ARHGEF4: variants seen among roughly 807,000 people sequenced by gnomAD.
The protein encoded by ARHGEF4 is Rho guanine nucleotide exchange factor 4.
A neutral mutation model predicts 162.0 loss-of-function variants in ARHGEF4; 119 were observed. The ratio of observed to expected loss-of-function variants is 0.73; its 90% CI spans 0.63 to 0.86. The LOEUF is 0.86. Among genes scored for constraint, ARHGEF4 ranks in the 40% least tolerant of loss-of-function variants. The pLI is 0.00. For synonymous variants in ARHGEF4, 1,014 were observed against 979.9 expected, an observed-to-expected ratio of 1.03 and a Z score of -0.65; for missense variants, 2,488 against 2,456.0, an observed-to-expected ratio of 1.01 and a Z score of -0.28.
intron 1 of ARHGEF4, among the ~76,000 whole-genome samples, chr2:130,854,802 C>T (rs1317423131): frequency 6.6e-6 from 1 of 152,136 alleles, no homozygotes; most frequent in East Asian, 1.9e-4. Flanking sequence ...GGCTTCTGCC[C>T]AGGGGGAAAG....
At chr2:130,997,368 T>C (rs543514390) in intron 4 of ARHGEF4, among the ~76,000 whole-genome samples, 1 of 152,366 alleles carries the variant, frequency 6.6e-6, no homozygotes, top group Non-Finnish European at 1.5e-5. Context: ...GCTTTTGTTA[T>C]GTATTTTTTT....
chr2:130,980,082 T>C (rs1356504271), intron 4 of ARHGEF4, among the ~76,000 whole-genome samples: 3 of 152,190 alleles, frequency 2.0e-5, no homozygotes, highest in Non-Finnish European at 2.9e-5. Context: ...GTAACATAAC[T>C]GTAAACAAAA....
intron 4 of ARHGEF4, among the ~76,000 whole-genome samples, chr2:130,963,386 C>T (rs1270519336): frequency 6.6e-6 from 1 of 151,918 alleles, no homozygotes; most frequent in East Asian, 2.0e-4. Flanking sequence ...CTGCCCTGGG[C>T]CGAGCGGGGC....
chr2:130,971,486 CG>C (rs2105221266), intron 4 of ARHGEF4, among the ~76,000 whole-genome samples: 1 of 151,940 alleles, frequency 6.6e-6, no homozygotes, highest in African/African-American at 2.4e-5. Context: ...GGTGAAACCC[CG>C]TCTCTACTAA....
At chr2:131,030,159 C>T (rs576499963) in intron 5 of ARHGEF4, among the ~76,000 whole-genome samples, 1 of 152,300 alleles carries the variant, frequency 6.6e-6, no homozygotes, top group African/African-American at 2.4e-5. Flanking sequence ...CTGCGTTGAT[C>T]TTGTGTCTGC....
At chr2:131,035,069 C>A in intron 5 of ARHGEF4, 1 of 1,012,724 alleles carries the variant, frequency 9.9e-7, no homozygotes, top group Non-Finnish European at 1.2e-6. Context: ...CTCGGGGCCG[C>A]ACGGAGCGGG....
At position 130,867,917 on chromosome 2, in the gene ARHGEF4, T is replaced by G. The variant is rs1187891261; in HGVS notation, c.39+30925T>G. On this transcript the variant is annotated intron_variant, in intron 1 of 13. Transcript: ENST00000409359. ...TGTGGTGGGAGCAAGGTGGATGTGT[T>G]TTTTTCTTTTTTTTTTTTCTTTTTT... is the stretch of plus-strand genomic sequence containing the variant. 2.0e-5 allele frequency among the ~76,000 whole-genome samples: 3 copies of G among 150,692 alleles called. No homozygotes were observed. In the East Asian group the frequency reaches 5.8e-4, roughly 29 times the overall value.
At position 131,040,336 on chromosome 2, in the gene ARHGEF4, G is replaced by A. The variant is rs956807382; in HGVS notation, c.4558G>A (p.Glu1520Lys). The change falls in exon 8 of 14, where the codon GAG (glutamate) becomes AAG (lysine). Residue 1520 changes from glutamate to lysine, a missense_variant. Glu to Lys is a moderately conservative substitution (Grantham distance 56). Transcript: ENST00000409359. ...GCTGCGTACCATCTTCGGGAACATC[G>A]AGGACATCTACCGCTGCCAGAAGGC... ...EQLRTIFGNI[E>K]DIYRCQKAFV... 5 of 1,612,490 alleles carry A rather than the reference G, an allele frequency of 3.1e-6. No individual in the cohort carries two copies. The highest frequency in any genetic ancestry group is 2.7e-5 in the African/African-American group (2 of 74,920).
At chr2:130,986,219 C>A (rs1428776824) in intron 4 of ARHGEF4, among the ~76,000 whole-genome samples, 2 of 152,140 alleles carry the variant, frequency 1.3e-5, no homozygotes, top group African/African-American at 4.8e-5. Context: ...ATGTGTGCAT[C>A]GTGTGTGGTT....
Position 131,041,891 on chromosome 2 carries a change from C to G in ARHGEF4, c.4972C>G (p.Leu1658Val). The change falls in exon 10 of 14, where the codon CTT becomes GTT. Residue 1658 changes from leucine to valine, a missense_variant. Leu to Val is a conservative substitution (Grantham distance 32, BLOSUM62 1). Transcript: ENST00000409359. ...AQLINERKRR[L>V]ENIDKIAQWQ... Reference sequence around the variant, plus strand: ...GCTCATCAACGAGCGGAAGCGGAGACTTGAGAACATCGACAAGATTGCTCA... The same window carrying G: ...GCTCATCAACGAGCGGAAGCGGAGAGTTGAGAACATCGACAAGATTGCTCA... 6.2e-7 allele frequency: 1 copy of G among 1,613,674 alleles called. No individual in the cohort carries two copies. The highest frequency in any genetic ancestry group is 8.5e-7 in the Non-Finnish European group (1 of 1,180,024).
chr2:130,837,074 T>G, intron 1 of ARHGEF4, 82 bp downstream of exon 1: 1 of 1,200,876 alleles, frequency 8.3e-7, no homozygotes, highest in South Asian at 4.2e-5. Flanking sequence ...CGCTGGCTGC[T>G]GCGCCCCGGG....
At position 131,020,706 on chromosome 2, in the gene ARHGEF4, C is replaced by T. The variant is rs1272430864; in HGVS notation, c.3986-7239C>T. ...TTTTATAATCCTTTGAGTATATACC[C>T]AGTAATGGGATGGCTGGGTCAAATG... On this transcript the variant is annotated intron_variant, in intron 4 of 13. Coordinates refer to ENST00000409359, the MANE Select transcript of ARHGEF4 (RefSeq NM_001367493.1). Among the ~76,000 whole-genome samples the T allele has an allele frequency of 2.0e-5, 3 of 152,128 alleles. No homozygotes were observed. In the East Asian group the frequency reaches 5.8e-4, roughly 29 times the overall value.
At chr2:130,846,399 C>T (rs1680966844) in intron 1 of ARHGEF4, among the ~76,000 whole-genome samples, 1 of 152,212 alleles carries the variant, frequency 6.6e-6, no homozygotes, top group Non-Finnish European at 1.5e-5. Flanking sequence ...GACCAGGCTG[C>T]TGGCCCTACG....
At chr2:131,005,117 C>T (rs551184680) in intron 4 of ARHGEF4, among the ~76,000 whole-genome samples, 216 of 152,292 alleles carry the variant, frequency 1.4e-3, no homozygotes, top group African/African-American at 4.6e-3. Context: ...TCCTGCCACC[C>T]CTCGCCTGGG....
intron 4 of ARHGEF4, among the ~76,000 whole-genome samples, chr2:131,010,882 C>T (rs1688405705): frequency 6.6e-6 from 1 of 152,168 alleles, no homozygotes; most frequent in African/African-American, 2.4e-5. Flanking sequence ...AGAGGCATTT[C>T]CACTTTAGAA....
chr2:130,961,631 G>T (rs529957338), intron 4 of ARHGEF4, among the ~76,000 whole-genome samples: 1 of 152,298 alleles, frequency 6.6e-6, no homozygotes, highest in South Asian at 2.1e-4. Flanking sequence ...GTGTATTTTA[G>T]AGCTCCCTTG....
At position 130,842,989 on chromosome 2, in the gene ARHGEF4, A is replaced by G. The variant is rs369481939; in HGVS notation, c.39+5997A>G. Among the ~76,000 whole-genome samples the G allele has an allele frequency of 7.4e-4, 113 of 152,226 alleles. 2 individuals carry two copies. In the East Asian group the frequency reaches 0.019, roughly 26 times the overall value. On this transcript the variant is annotated intron_variant, in intron 1 of 13. Coordinates refer to ENST00000409359, the MANE Select transcript of ARHGEF4 (RefSeq NM_001367493.1). ...CACTGCTCTGCTGACAACACCCTCT[A>G]GTGTCTCTTGTAGGCGGTGAGGTCT...
intron 1 of ARHGEF4, among the ~76,000 whole-genome samples, chr2:130,857,099 G>A (rs1280328889): frequency 6.6e-6 from 1 of 152,140 alleles, no homozygotes; most frequent in Non-Finnish European, 1.5e-5. Context: ...GGGCGTGGTG[G>A]CGGGTGCCTG....
intron 12 of ARHGEF4, among the ~76,000 whole-genome samples, chr2:131,045,021 C>A (rs530855713): frequency 1.3e-5 from 2 of 152,300 alleles, no homozygotes; most frequent in African/African-American, 4.8e-5. Flanking sequence ...CGGGCCCCCA[C>A]ATTACCCGCC....
Sources: allele counts gnomAD v4.1 joint callset (sites outside exome capture counted in the v4.1 genomes callset), GRCh38; gene constraint gnomAD v4.1.1; transcripts MANE v1.5; gene names NCBI Gene and HGNC (gene_info 2026-07-23, HGNC 2026-07-21).